The following LYRM4 variants were observed in gnomAD, a reference collection of about 807,000 sequenced individuals.
LYRM4 encodes the protein LYR motif-containing protein 4.
In LYRM4, 9 loss-of-function variants were observed where a neutral mutation model predicts 11.7. That is an observed-to-expected ratio of 0.77 (90% confidence interval 0.46 to 1.34). The LOEUF is 1.34. Among genes scored for constraint, LYRM4 ranks in the 40% most tolerant of loss-of-function variants. The pLI, the probability that LYRM4 is intolerant of heterozygous loss-of-function variation, is 0.00. For missense variants in LYRM4, 133 were observed against 112.5 expected, an observed-to-expected ratio of 1.18 and a Z score of -0.82; for synonymous variants, 42 against 40.4, an observed-to-expected ratio of 1.04 and a Z score of -0.15.
intron 1 of LYRM4, among the ~76,000 whole-genome samples, chr6:5,246,699 C>T (rs9378420): frequency 0.15 from 23,211 of 151,620 alleles, 1,984 homozygotes; most frequent in East Asian, 0.23. Context: ...GAAGTTGGGG[C>T]GAGGAAGGAG....
intron 2 of LYRM4, among the ~76,000 whole-genome samples, chr6:5,170,265 CTA>C (rs1184154669): frequency 2.0e-5 from 3 of 152,144 alleles, no homozygotes; most frequent in Non-Finnish European, 4.4e-5. Flanking sequence ...GCATACTGAC[CTA>C]TATACGAAAA....
the LYRM4 span, among the ~76,000 whole-genome samples, chr6:5,045,904 G>C: frequency 1.3e-5 from 2 of 152,284 alleles, no homozygotes; most frequent in African/African-American, 4.8e-5. Flanking sequence ...TTTTTCTGCT[G>C]CCCCTTTGGG....
At chr6:5,042,255 A>AT in the LYRM4 span, among the ~76,000 whole-genome samples, 1 of 152,100 alleles carries the variant, frequency 6.6e-6, no homozygotes, top group Non-Finnish European at 1.5e-5. Context: ...ATCCAACCTA[A>AT]TTTTTTTTAA....
downstream of LYRM4, among the ~76,000 whole-genome samples, chr6:5,098,777 C>T (rs997518976): frequency 6.6e-6 from 1 of 152,230 alleles, no homozygotes; most frequent in Non-Finnish European, 1.5e-5. Context: ...GGTGTTCTCA[C>T]TTGCCAACTG....
the LYRM4 span, among the ~76,000 whole-genome samples, chr6:5,074,442 A>G: frequency 1.6e-5 from 2 of 126,784 alleles, no homozygotes; most frequent in Non-Finnish European, 3.2e-5. Flanking sequence ...AGTTTGGAAG[A>G]AGTTTATTCC....
At chr6:5,122,548 C>T (rs1763504833) in intron 2 of LYRM4, among the ~76,000 whole-genome samples, 1 of 152,166 alleles carries the variant, frequency 6.6e-6, no homozygotes, top group African/African-American at 2.4e-5. Context: ...TGCTTTTTGG[C>T]ATCAAATCGT....
intron 2 of LYRM4, among the ~76,000 whole-genome samples, chr6:5,158,129 CTGTGCG>C (rs1758527034): frequency 6.6e-6 from 1 of 152,182 alleles, no homozygotes; most frequent in South Asian, 2.1e-4. Context: ...ATGTATATGT[CTGTGCG>C]TGTGTGTACA....
intron 1 of LYRM4, among the ~76,000 whole-genome samples, chr6:5,247,624 A>G (rs572618814): frequency 2.6e-5 from 4 of 152,368 alleles, no homozygotes; most frequent in Non-Finnish European, 5.9e-5. Context: ...TATGCTACAG[A>G]GTAATATTCA....
chr6:5,085,382 C>A, the LYRM4 span: 1 of 823,514 alleles, frequency 1.2e-6, no homozygotes, highest in Non-Finnish European at 1.8e-6. Context: ...TCGGGGAGGG[C>A]GAGCCTGAAC....
At chr6:5,112,687 C>T (rs1348132417) in intron 2 of LYRM4, among the ~76,000 whole-genome samples, 1 of 152,146 alleles carries the variant, frequency 6.6e-6, no homozygotes, top group Non-Finnish European at 1.5e-5. Flanking sequence ...GACCTAGCAT[C>T]TGGAATGTGC....
chr6:5,088,762 G>C, the LYRM4 span: 1 of 152,158 alleles, frequency 6.6e-6, no homozygotes, highest in African/African-American at 2.4e-5. Flanking sequence ...TAAAGGTAAA[G>C]CTTTATATGA....
At chr6:5,163,970 T>TA (rs1432930657) in intron 2 of LYRM4, among the ~76,000 whole-genome samples, 1 of 152,134 alleles carries the variant, frequency 6.6e-6, no homozygotes, top group Non-Finnish European at 1.5e-5. Flanking sequence ...AGTATTCTAA[T>TA]CTATAAACAT....
At chr6:5,053,650 AG>A in the LYRM4 span, among the ~76,000 whole-genome samples, 1 of 152,054 alleles carries the variant, frequency 6.6e-6, no homozygotes, top group African/African-American at 2.4e-5. Context: ...AAAGAAAGAA[AG>A]AAAGAAAGAA....
chr6:5,200,943 C>T (rs1248329094), intron 2 of LYRM4, among the ~76,000 whole-genome samples: 2 of 152,046 alleles, frequency 1.3e-5, no homozygotes, highest in Non-Finnish European at 2.9e-5. Context: ...CCAGTAATAC[C>T]GTGTAAAACA....
At chr6:5,074,467 A>G in the LYRM4 span, among the ~76,000 whole-genome samples, 1 of 132,960 alleles carries the variant, frequency 7.5e-6, no homozygotes, top group South Asian at 2.3e-4. Flanking sequence ...CTCATGGATG[A>G]CTTTGAGAGG....
At chr6:5,055,991 A>C in the LYRM4 span, among the ~76,000 whole-genome samples, 1 of 139,486 alleles carries the variant, frequency 7.2e-6, no homozygotes, top group Non-Finnish European at 1.6e-5. The surrounding 1 kb of genome is among the most constrained non-coding windows in gnomAD (Gnocchi z 4.5). Context: ...TCTTTCTTTC[A>C]TCTCTCTTTC....
intron 2 of LYRM4, among the ~76,000 whole-genome samples, chr6:5,166,450 A>AG (rs1267786667): frequency 1.3e-5 from 2 of 152,252 alleles, no homozygotes; most frequent in Non-Finnish European, 2.9e-5. Context: ...TTTGTTTTCA[A>AG]GGTATTCTAC....
At chr6:5,227,348 T>C (rs1581551818) in intron 1 of LYRM4, among the ~76,000 whole-genome samples, 1 of 152,010 alleles carries the variant, frequency 6.6e-6, no homozygotes, top group Non-Finnish European at 1.5e-5. Flanking sequence ...GAAGGATCTA[T>C]GAAAGGAGAG....
chr6:5,074,397 C>CTTTTTTTTTTTTT, the LYRM4 span, among the ~76,000 whole-genome samples: 2 of 76,770 alleles, frequency 2.6e-5, no homozygotes, highest in Non-Finnish European at 4.9e-5. Context: ...AGCACAGGTA[C>CTTTTTTTTTTTTT]TTTTTTTTTT....
Sources: gnomAD v4.1 joint callset for allele counts (sites outside exome capture counted in the v4.1 genomes callset) on GRCh38, gnomAD v4.1.1 for gene constraint, Gnocchi (gnomAD v3.1) non-coding constraint, MANE v1.5 for transcripts, NCBI Gene and HGNC (gene_info 2026-07-23, HGNC 2026-07-21) for gene names.